Variants in RAB33B observed in about 807,000 individuals in gnomAD.
RAB33B encodes the protein RAB33B, member RAS oncogene family, also known as ras-related protein Rab-33B.
RAB33B carries 6 observed loss-of-function variants against 15.0 expected under a neutral mutation model. The observed-to-expected ratio is 0.40, with a 90% confidence interval of 0.22 to 0.79. RAB33B has a LOEUF of 0.79. Ranked by LOEUF, RAB33B falls within the 30% of genes least tolerant of loss-of-function variation. The pLI, the probability that RAB33B is intolerant of heterozygous loss-of-function variation, is 0.37. For synonymous variants in RAB33B, 117 were observed against 108.3 expected, an observed-to-expected ratio of 1.08 and a Z score of -0.50; for missense variants, 257 against 296.4, an observed-to-expected ratio of 0.87 and a Z score of 0.98.
At chr4:139,454,767 A>G (rs1750030834) in intron 1 of RAB33B, among the ~76,000 whole-genome samples, 1 of 152,016 alleles carries the variant, frequency 6.6e-6, no homozygotes, top group African/African-American at 2.4e-5. Context: ...CTACCGACCC[A>G]TTTACTGTGT....
At chr4:139,447,296 A>C in the RAB33B span, among the ~76,000 whole-genome samples, 1 of 152,214 alleles carries the variant, frequency 6.6e-6, no homozygotes, top group African/African-American at 2.4e-5. Context: ...GTTCTCCAGA[A>C]GGCCATGTAT....
At chr4:139,442,692 G>A in the RAB33B span, among the ~76,000 whole-genome samples, 11 of 152,226 alleles carry the variant, frequency 7.2e-5, no homozygotes, top group Admixed American at 5.2e-4. Flanking sequence ...TCAGGAACTC[G>A]GACTGGCTTC....
the RAB33B span, among the ~76,000 whole-genome samples, chr4:139,444,344 GAT>G: frequency 5.3e-5 from 8 of 152,170 alleles, no homozygotes; most frequent in African/African-American, 1.9e-4. Flanking sequence ...AAGGCTTAAG[GAT>G]ATTGGGATGG....
chr4:139,449,882 T>C (rs943983138), upstream of RAB33B: 2 of 152,164 alleles, frequency 1.3e-5, no homozygotes, highest in Non-Finnish European at 2.9e-5. Flanking sequence ...TATCAAATAT[T>C]GGCAAGTCTG....
At chr4:139,464,456 A>G (rs1371886529) in intron 1 of RAB33B, among the ~76,000 whole-genome samples, 2 of 129,662 alleles carry the variant, frequency 1.5e-5, no homozygotes, top group Non-Finnish European at 3.1e-5. Flanking sequence ...TTTGTTACAT[A>G]TGTATACATG....
At position 139,476,366 on chromosome 4, in the gene RAB33B, C is replaced by A. The variant is rs930812262; in HGVS notation, c.*3240C>A. On this transcript the variant is annotated 3_prime_UTR_variant, in exon 2 of 2. Coordinates refer to ENST00000305626, the MANE Select transcript of RAB33B (RefSeq NM_031296.3). ...GTGGGGGCCTCTGATGTTGATTCTG[C>A]TTCCCCTGGTCAGTTTATTTTACGT... The A allele has an allele frequency of 6.6e-6, 1 of 152,206 alleles. No individual in the cohort carries two copies. The highest frequency in any genetic ancestry group is 1.5e-5 in the Non-Finnish European group (1 of 68,030). 9.4% of individuals were successfully genotyped at this position (152,206 alleles called of 1,614,324 possible).
rs1163902963 is a variant in RAB33B, at chr4:139,475,075, A to C, written c.*1949A>C. On this transcript the variant is annotated 3_prime_UTR_variant, in exon 2 of 2. Transcript: ENST00000305626. ...TATTCCATTTTAAGTATTAGAGCTC[A>C]AATTGGCTTTATTTGCATTTAGGGA... 3.3e-5 allele frequency: 5 copies of C among 152,142 alleles called. No individual in the cohort carries two copies. Among genetic ancestry groups the C allele is most frequent in the Non-Finnish European group, 7.4e-5 (5 of 67,978 alleles). The allele number at this position is 152,142 out of a possible 1,614,324, so 9.4% of individuals were successfully genotyped here.
At chr4:139,459,877 C>T (rs939309944) in intron 1 of RAB33B, among the ~76,000 whole-genome samples, 3 of 152,034 alleles carry the variant, frequency 2.0e-5, no homozygotes, top group African/African-American at 7.2e-5. Context: ...CGTGATCTGC[C>T]GCCTCGGCCT....
intron 1 of RAB33B, among the ~76,000 whole-genome samples, chr4:139,463,041 C>T (rs1452108230): frequency 6.6e-6 from 1 of 152,186 alleles, no homozygotes; most frequent in East Asian, 1.9e-4. Context: ...TGACACACTC[C>T]TGTAGTCGCA....
the RAB33B span, among the ~76,000 whole-genome samples, chr4:139,446,820 G>C: frequency 6.6e-6 from 1 of 152,224 alleles, no homozygotes; most frequent in African/African-American, 2.4e-5. Context: ...GGCTGACCTG[G>C]CTACGGCCAC....
upstream of RAB33B, chr4:139,453,977 G>A (rs1750003098): frequency 9.3e-6 from 4 of 429,146 alleles, no homozygotes; most frequent in Admixed American, 4.7e-5. Flanking sequence ...GTGTGGCCGC[G>A]GGCAGGCGGC....
rs1379644890 is a variant in RAB33B at position 139,475,455 on chromosome 4, ATC to A, written c.*2332_*2333del. On this transcript the variant is annotated 3_prime_UTR_variant, in exon 2 of 2. Transcript: ENST00000305626. ...TATTTATTAGTTTTAAAATATTTGT[ATC>A]TCATTTGTAACAATTTGTTTTAATT... 2 of 151,890 alleles carry A rather than the reference ATC, an allele frequency of 1.3e-5. No homozygotes were observed. Among genetic ancestry groups the A allele is most frequent in the Non-Finnish European group, 2.9e-5 (2 of 67,866 alleles). 9.4% of individuals were successfully genotyped at this position (151,890 alleles called of 1,614,324 possible). A position where few individuals can be genotyped will look rare whatever the true frequency, so the allele number is the denominator to read the frequency against.
the RAB33B span, among the ~76,000 whole-genome samples, chr4:139,441,630 A>C: frequency 3.3e-5 from 5 of 152,390 alleles, no homozygotes; most frequent in African/African-American, 1.2e-4. Flanking sequence ...AGCTGAAAAT[A>C]TCTTAAGTCA....
intron 1 of RAB33B, among the ~76,000 whole-genome samples, chr4:139,467,593 A>AAT (rs1750314267): frequency 6.6e-6 from 1 of 151,750 alleles, no homozygotes; most frequent in African/African-American, 2.4e-5. Flanking sequence ...GCAGTGGGTC[A>AAT]TGCCTGTAAT....
upstream of RAB33B, chr4:139,453,605 C>G (rs1749983727): frequency 6.6e-6 from 1 of 152,384 alleles, no homozygotes; most frequent in South Asian, 2.1e-4. Flanking sequence ...CTGAAGAAAC[C>G]TGTCTCCTCT....
intron 1 of RAB33B, among the ~76,000 whole-genome samples, chr4:139,467,273 G>A (rs750215588): frequency 7.0e-5 from 9 of 129,256 alleles, no homozygotes; most frequent in African/African-American, 1.4e-4. Flanking sequence ...CTGGCCTTCC[G>A]CCGCGCACCT....
chr4:139,454,187 G>A lies in RAB33B; in HGVS notation c.-9G>A. Reference sequence around the variant, plus strand: ...TTTCCTCCGCCTCAGTTTGGGGCGGGTCGGGGGAATGGCTGAGGAGATGGA... The same window carrying A: ...TTTCCTCCGCCTCAGTTTGGGGCGGATCGGGGGAATGGCTGAGGAGATGGA... On this transcript the variant is annotated 5_prime_UTR_variant, in exon 1 of 2. Coordinates refer to ENST00000305626, the MANE Select transcript of RAB33B (RefSeq NM_031296.3). 1 of 1,606,306 alleles carries A rather than the reference G, an allele frequency of 6.2e-7. No individual in the cohort carries two copies. The highest frequency in any genetic ancestry group is 1.1e-5 in the South Asian group (1 of 90,164).
intron 1 of RAB33B, among the ~76,000 whole-genome samples, chr4:139,462,695 A>G (rs1201521526): frequency 6.6e-6 from 1 of 152,126 alleles, no homozygotes; most frequent in Non-Finnish European, 1.5e-5. Context: ...CAAATGGCAA[A>G]TCTTTGAAAT....
chr4:139,465,493 C>T (rs1410290969), intron 1 of RAB33B, among the ~76,000 whole-genome samples: 2 of 152,056 alleles, frequency 1.3e-5, no homozygotes, highest in East Asian at 1.9e-4. Flanking sequence ...GTATTGCCTA[C>T]GTTTTCTTCT....
Sources: allele counts gnomAD v4.1 joint callset (sites outside exome capture counted in the v4.1 genomes callset), GRCh38; gene constraint gnomAD v4.1.1; transcripts MANE v1.5; gene names NCBI Gene and HGNC (gene_info 2026-07-23, HGNC 2026-07-21).